Variants in COPB1 observed in about 807,000 individuals in gnomAD.
COPB1 encodes the protein coatomer subunit beta.
A neutral mutation model predicts 108.7 loss-of-function variants in COPB1; 21 were observed. The observed-to-expected ratio is 0.19, with a 90% CI of 0.14 to 0.28. The LOEUF is 0.28. Among genes scored for constraint, COPB1 ranks in the 10% least tolerant of loss-of-function variants. The pLI is 1.00. For missense variants in COPB1, 919 were observed against 1,141.3 expected (o/e 0.81, Z 2.81); for synonymous variants, 378 against 386.8 (o/e 0.98, Z 0.27).
intron 4 of COPB1, among the ~76,000 whole-genome samples, chr11:14,491,124 C>CA (rs1451111057): frequency 6.6e-6 from 1 of 151,716 alleles, no homozygotes; most frequent in Non-Finnish European, 1.5e-5. Flanking sequence ...CGGCTTACTG[C>CA]AACCTCCGCC....
intron 14 of COPB1, among the ~76,000 whole-genome samples, chr11:14,471,740 A>C (rs1460099738): frequency 1.3e-5 from 2 of 152,170 alleles, no homozygotes; most frequent in African/African-American, 4.8e-5. Flanking sequence ...CAACATGGTG[A>C]AACCCCAGTC....
chr11:14,481,738 A>G (rs1041018323), intron 8 of COPB1, among the ~76,000 whole-genome samples: 2 of 152,206 alleles, frequency 1.3e-5, no homozygotes, highest in Admixed American at 1.3e-4. Flanking sequence ...TCTAAGAGTG[A>G]ACTCCTGTAT....
chr11:14,483,460 A>G (rs540896380), intron 7 of COPB1, among the ~76,000 whole-genome samples: 1 of 152,288 alleles, frequency 6.6e-6, no homozygotes, highest in South Asian at 2.1e-4. Flanking sequence ...TTAAGGGTTA[A>G]AACTAAGGAA....
In COPB1 at chr11:14,494,342, A is replaced by G; in HGVS notation, c.189T>C (p.Ile63=). Residue 63 remains isoleucine, a synonymous_variant, in exon 3 of 22, where the codon ATT becomes ATC. Transcript: ENST00000439561. ...EKLPGLLMTI[I]RFVLPLQDHT... is the part of the protein sequence containing the mutation. ...GATCCTGAAGAGGTAGCACAAAACG[A>G]ATGATGGTCATCAGAAGTCCAGGAA... 6.2e-7 allele frequency: 1 copy of G among 1,613,704 alleles called. No individual in the cohort carries two copies. Among genetic ancestry groups the G allele is most frequent in the Non-Finnish European group, 8.5e-7 (1 of 1,179,734 alleles).
intron 4 of COPB1, among the ~76,000 whole-genome samples, chr11:14,492,065 T>C (rs1307249142): frequency 6.6e-6 from 1 of 152,244 alleles, no homozygotes; most frequent in Non-Finnish European, 1.5e-5. Context: ...TCTTGCCATA[T>C]TATTTTGAAG....
Position 14,481,009 on chromosome 11 carries a change from G to T in COPB1, c.1046C>A (p.Ser349Tyr). ...TTTTACCTCTTCAACATTTCTAGAA[G>T]AGACAAGATCCAGTGCTAACTGCAG... ...KTLQLALDLV[S>Y]SRNVEELVIV... The change falls in exon 9 of 22, where the codon TCT (serine) becomes TAT (tyrosine). Residue 349 changes from serine (S) to tyrosine (Y), a missense_variant. By Grantham distance (144) the Ser-to-Tyr change is moderately radical (BLOSUM62 -2). This residue lies in a region of COPB1 where 705 missense variants were observed against 817.8 expected (regional missense o/e 0.86). Transcript: ENST00000439561. 1 of 1,613,920 alleles carries T rather than the reference G, an allele frequency of 6.2e-7. No homozygotes were observed. The highest frequency in any genetic ancestry group is 1.1e-5 in the South Asian group (1 of 91,068).
chr11:14,494,674 G>A (rs547473360), intron 2 of COPB1: 1 of 375,788 alleles, frequency 2.7e-6, no homozygotes, highest in Admixed American at 4.2e-5. Flanking sequence ...ATATGAAGGC[G>A]CTGGATTAGA....
At chr11:14,479,455 T>C (rs1850608508) in intron 11 of COPB1, 114 bp downstream of exon 11, 5 of 961,322 alleles carry the variant, frequency 5.2e-6, no homozygotes, top group Admixed American at 2.7e-5. Flanking sequence ...TACAAACTTG[T>C]CTTATTTTGG....
intron 4 of COPB1, among the ~76,000 whole-genome samples, chr11:14,491,230 T>G (rs1372466431): frequency 6.6e-6 from 1 of 152,098 alleles, no homozygotes; most frequent in Non-Finnish European, 1.5e-5. Flanking sequence ...ATTTTTTTAG[T>G]AGAGACAGCA....
chr11:14,462,446 C>T (rs922973581), intron 18 of COPB1, among the ~76,000 whole-genome samples: 39 of 152,222 alleles, frequency 2.6e-4, no homozygotes, highest in African/African-American at 8.7e-4. Flanking sequence ...CTTGGCCAGG[C>T]TGGTCTTGAA....
At chr11:14,470,488 G>A (rs957904773) in intron 14 of COPB1, among the ~76,000 whole-genome samples, 7 of 152,090 alleles carry the variant, frequency 4.6e-5, no homozygotes, top group Non-Finnish European at 8.8e-5. Flanking sequence ...TACTTAGCTC[G>A]CTATTCAAAG....
intron 14 of COPB1, among the ~76,000 whole-genome samples, chr11:14,471,075 A>C (rs1303782291): frequency 6.6e-6 from 1 of 152,182 alleles, no homozygotes; most frequent in Non-Finnish European, 1.5e-5. Context: ...CTATACCCAC[A>C]AAGGTAACTT....
chr11:14,496,547 T>G (rs920989029), intron 2 of COPB1, among the ~76,000 whole-genome samples: 13 of 151,926 alleles, frequency 8.6e-5, no homozygotes, highest in Admixed American at 8.5e-4. Context: ...TGAAAGAAAT[T>G]GAAGAGAACA....
chr11:14,474,198 T>C (rs577233244), intron 14 of COPB1: 41 of 214,540 alleles, frequency 1.9e-4, no homozygotes, highest in African/African-American at 8.9e-4. Flanking sequence ...TCACTGGTCC[T>C]GAACTAATCC....
At chr11:14,484,305 A>G (rs1266609462) in intron 7 of COPB1, among the ~76,000 whole-genome samples, 1 of 152,244 alleles carries the variant, frequency 6.6e-6, no homozygotes, top group South Asian at 2.1e-4. Flanking sequence ...AACTGATGAA[A>G]TATGAATAAA....
chr11:14,469,223 C>T (rs1005105533), intron 15 of COPB1, 113 bp downstream of exon 15: 1 of 858,708 alleles, frequency 1.2e-6, no homozygotes, highest in East Asian at 2.4e-5. Context: ...TCTCAAACAC[C>T]TGGCCCCAAG....
At chr11:14,462,058 C>A (rs1589951455) in intron 18 of COPB1, among the ~76,000 whole-genome samples, 1 of 151,690 alleles carries the variant, frequency 6.6e-6, no homozygotes, top group African/African-American at 2.4e-5. Flanking sequence ...AGTATAGACA[C>A]AACCATTTTT....
chr11:14,481,091 C>T lies in COPB1; in HGVS notation c.964G>A (p.Val322Ile), dbSNP rs764128684. ...CTCAATACTCTTAGGATATCCATAA[C>T]CAGATCCTAAAAAAGAAGAAAAAAT... ...PAHERVLQDLVMDILRVLSTP... is the reference protein window; with the variant it reads ...PAHERVLQDLIMDILRVLSTP... Residue 322 changes from valine to isoleucine, a missense_variant, in exon 9 of 22, where the codon GTT becomes ATT. Transcript: ENST00000439561. 1.6e-5 allele frequency: 26 copies of T among 1,602,378 alleles called. No individual in the cohort carries two copies. The African/African-American group carries it at 3.4e-4, about 21-fold the overall frequency.
In COPB1 at chr11:14,461,277, A is replaced by G. The variant is rs549560606; in HGVS notation, c.2465T>C (p.Ile822Thr). The G allele has an allele frequency of 9.9e-6, 16 of 1,614,078 alleles. No individual in the cohort carries two copies. Among genetic ancestry groups the G allele is most frequent in the African/African-American group, 4.0e-5 (3 of 74,928 alleles). Residue 822 changes from isoleucine to threonine, a missense_variant, in exon 19 of 22, where the codon ATT becomes ACT. This residue lies in a region of COPB1 where 705 missense variants were observed against 817.8 expected (regional missense o/e 0.86). Transcript: ENST00000439561. ...GATATAGTCCATGATGTCGATGTGA[A>G]TATCACTGAGAACCACACAATTTCT... is the stretch of plus-strand genomic sequence containing the variant. ...SDRNCVVLSD[I>T]HIDIMDYIQP...
Sources: allele counts gnomAD v4.1 joint callset (sites outside exome capture counted in the v4.1 genomes callset), GRCh38; gene constraint gnomAD v4.1.1; regional missense constraint gnomAD v4.1.1; transcripts MANE v1.5; gene names NCBI Gene and HGNC (gene_info 2026-07-23, HGNC 2026-07-21).